The following EFL1 variants were observed in gnomAD, a reference collection of about 807,000 sequenced individuals.
The protein encoded by EFL1 is elongation factor like GTPase 1, also known as elongation factor-like GTPase 1.
In EFL1, 76 loss-of-function variants were observed where a neutral mutation model predicts 126.7. The ratio of observed to expected loss-of-function variants is 0.60; its 90% confidence interval spans 0.50 to 0.73. The LOEUF (loss-of-function observed/expected upper bound fraction) is 0.73. Ranked by LOEUF, EFL1 falls within the 30% of genes least tolerant of loss-of-function variation. EFL1 has a pLI of 0.00. For missense variants in EFL1, 1,128 were observed against 1,343.2 expected, an observed-to-expected ratio of 0.84 and a Z score of 2.50; for synonymous variants, 410 against 448.4, an observed-to-expected ratio of 0.91 and a Z score of 1.08.
At chr15:82,249,499 T>C (rs1411668509) in intron 4 of EFL1, among the ~76,000 whole-genome samples, 3 of 152,092 alleles carry the variant, frequency 2.0e-5, no homozygotes, top group East Asian at 1.9e-4. Flanking sequence ...AGTATTCCTT[T>C]TGATGAATTT....
At chr15:82,208,763 T>C (rs899290171) in intron 15 of EFL1, among the ~76,000 whole-genome samples, 1 of 151,852 alleles carries the variant, frequency 6.6e-6, no homozygotes, top group Non-Finnish European at 1.5e-5. Flanking sequence ...AATGCATCAA[T>C]AAAATTCAAT....
intron 15 of EFL1, among the ~76,000 whole-genome samples, chr15:82,189,133 G>A (rs907222746): frequency 2.0e-5 from 3 of 152,026 alleles, no homozygotes; most frequent in Non-Finnish European, 4.4e-5. Context: ...CCTATACGCC[G>A]TGTTACTGTA....
intron 15 of EFL1, among the ~76,000 whole-genome samples, chr15:82,193,164 C>T (rs1434086703): frequency 6.6e-6 from 1 of 152,022 alleles, no homozygotes; most frequent in East Asian, 1.9e-4. Flanking sequence ...AAAATGAAAG[C>T]TAAAACACCC....
At chr15:82,200,616 C>G (rs1392940911) in intron 15 of EFL1, among the ~76,000 whole-genome samples, 1 of 152,184 alleles carries the variant, frequency 6.6e-6, no homozygotes, top group Non-Finnish European at 1.5e-5. Context: ...GGGAGCCTCC[C>G]AGAACACAGT....
At chr15:82,166,509 C>T (rs1182039489) in intron 15 of EFL1, among the ~76,000 whole-genome samples, 3 of 152,134 alleles carry the variant, frequency 2.0e-5, no homozygotes, top group Non-Finnish European at 4.4e-5. Flanking sequence ...ATTTTAAAAT[C>T]TAGGAAAGGG....
chr15:82,185,214 T>TGC lies in EFL1; in HGVS notation c.1751-21232_1751-21231dup, dbSNP rs1555427482. Among the ~76,000 whole-genome samples the TGC allele has an allele frequency of 1.0e-3, 148 of 143,160 alleles. 1 individual carries two copies. The highest frequency in any genetic ancestry group is 3.6e-3 in the African/African-American group (134 of 37,546). The allele number at this position is 143,160 out of a possible 152,430, so 93.9% of individuals were successfully genotyped here. The stretch of plus-strand genomic sequence containing the variant: ...GTGTGTGTGTGTGTGTGTGTGTGTG[T>TGC]GCGTTCCTCAATTCACGGAGTGAAA... On this transcript the variant is annotated intron_variant, in intron 15 of 19. Transcript: ENST00000268206.
chr15:82,133,070 T>G (rs1328057411), intron 19 of EFL1, among the ~76,000 whole-genome samples: 1 of 152,222 alleles, frequency 6.6e-6, no homozygotes, highest in East Asian at 1.9e-4. Context: ...TAGGTGTAGC[T>G]ATGTAGGGGG....
chr15:82,138,425 A>ATGTGT (rs1555423511), intron 19 of EFL1, among the ~76,000 whole-genome samples: 7 of 46,250 alleles, frequency 1.5e-4, no homozygotes, highest in Admixed American at 5.1e-4. Context: ...AGAGAGAGAG[A>ATGTGT]GTGTATGTGT....
chr15:82,227,265 C>T (rs568566679), intron 11 of EFL1, among the ~76,000 whole-genome samples, 185 bp downstream of exon 11: 15 of 152,248 alleles, frequency 9.9e-5, no homozygotes, highest in African/African-American at 3.4e-4. Flanking sequence ...AACAAGAAAA[C>T]CTTTGGGGTG....
At chr15:82,188,244 G>A (rs2074322097) in intron 15 of EFL1, among the ~76,000 whole-genome samples, 1 of 151,946 alleles carries the variant, frequency 6.6e-6, no homozygotes, top group Non-Finnish European at 1.5e-5. Flanking sequence ...TGAGTTTTTT[G>A]GAGTGCCCAA....
Position 82,199,885 on chromosome 15 carries a change from T to C in EFL1, c.1750+14832A>G, listed in dbSNP as rs570216587. ...GAGATAAAATCATTTCAAGTTTATATAGAATAAATGTTTAAAAATAGCCCC... is the reference window on the plus strand; with the variant it reads ...GAGATAAAATCATTTCAAGTTTATACAGAATAAATGTTTAAAAATAGCCCC... On this transcript the variant is annotated intron_variant, in intron 15 of 19. Coordinates refer to ENST00000268206, the MANE Select transcript of EFL1 (RefSeq NM_024580.6). Among the ~76,000 whole-genome samples the C allele has an allele frequency of 1.3e-4, 20 of 152,294 alleles. 2 individuals are homozygous for C. The South Asian group carries it at 3.7e-3, about 28-fold the overall frequency.
Position 82,151,905 on chromosome 15 carries a change from C to T in EFL1, c.2549G>A (p.Gly850Asp), listed in dbSNP as rs779885265. The change falls in exon 18 of 20, where the codon GGT (glycine) becomes GAT (aspartate). Residue 850 changes from glycine (G) to aspartate (D), a missense_variant. By Grantham distance (94) the Gly-to-Asp change is moderately conservative. Transcript: ENST00000268206. ...SEDFQNSVWT[G>D]PADKASKEAS... Reference sequence around the variant, plus strand: ...TTCTTTTGAAGCTTTGTCAGCTGGACCTGTCCATACTGAGTTCTGAAAATC... The same window carrying T: ...TTCTTTTGAAGCTTTGTCAGCTGGATCTGTCCATACTGAGTTCTGAAAATC... 2 of 1,613,974 alleles carry T rather than the reference C, an allele frequency of 1.2e-6. No homozygotes were observed. Among genetic ancestry groups the T allele is most frequent in the African/African-American group, 2.7e-5 (2 of 74,900 alleles).
chr15:82,131,160 T>C (rs1244595201), intron 19 of EFL1, among the ~76,000 whole-genome samples: 5 of 152,226 alleles, frequency 3.3e-5, no homozygotes, highest in Non-Finnish European at 5.9e-5. Flanking sequence ...TAATTTTTCA[T>C]AATATAATTT....
intron 15 of EFL1, among the ~76,000 whole-genome samples, chr15:82,180,689 A>G (rs1056128646): frequency 1.1e-4 from 16 of 152,190 alleles, no homozygotes; most frequent in African/African-American, 3.4e-4. Context: ...TTTAACATAA[A>G]AAGGTATACT....
At chr15:82,183,082 C>T (rs190781819) in intron 15 of EFL1, among the ~76,000 whole-genome samples, 2 of 152,250 alleles carry the variant, frequency 1.3e-5, no homozygotes, top group Admixed American at 6.5e-5. Flanking sequence ...TGACAGCCCA[C>T]CTGATACCGA....
intron 15 of EFL1, among the ~76,000 whole-genome samples, chr15:82,212,242 G>A (rs1463695976): frequency 6.6e-6 from 1 of 152,124 alleles, no homozygotes; most frequent in East Asian, 1.9e-4. Flanking sequence ...TTAAAGTTTA[G>A]GATTATGACA....
chr15:82,255,977 T>G (rs1312504088), intron 3 of EFL1, among the ~76,000 whole-genome samples: 1 of 152,266 alleles, frequency 6.6e-6, no homozygotes, highest in Non-Finnish European at 1.5e-5. Context: ...TAAAAATCTG[T>G]TGGAATTTTT....
chr15:82,227,438 A>G lies in EFL1; in HGVS notation c.1192+12T>C, dbSNP rs2074775670. On this transcript the variant is annotated intron_variant, in intron 11 of 19. Transcript: ENST00000268206. ...TGACATGGTATATTCCAACAGGTCC[A>G]TCTTTCCTCACCTGCTTTCAGTGCT... 6.2e-7 allele frequency: 1 copy of G among 1,614,112 alleles called. No homozygotes were observed.
At chr15:82,236,050 A>G (rs2074869874) in intron 7 of EFL1, among the ~76,000 whole-genome samples, 1 of 152,174 alleles carries the variant, frequency 6.6e-6, no homozygotes, top group Non-Finnish European at 1.5e-5. Context: ...CTAACACCAA[A>G]ATTAAAAATA....
Sources: gnomAD v4.1 joint callset for allele counts (sites outside exome capture counted in the v4.1 genomes callset) on GRCh38, gnomAD v4.1.1 for gene constraint, MANE v1.5 for transcripts, NCBI Gene and HGNC (gene_info 2026-07-23, HGNC 2026-07-21) for gene names.